CTNNA3: variants seen among roughly 807,000 people sequenced by gnomAD.
CTNNA3 encodes the protein catenin alpha-3.
In CTNNA3, 76 loss-of-function variants were observed where a neutral mutation model predicts 95.7. That is an observed-to-expected ratio of 0.79 (90% CI 0.66 to 0.96). The LOEUF is 0.96. CTNNA3 is among the 40% of genes least tolerant of loss of function. The probability of loss-of-function intolerance (pLI) is 0.00; values close to 1 mark genes in which losing one functional copy is unlikely to be tolerated. For missense variants in CTNNA3, 1,191 were observed against 1,089.8 expected (o/e 1.09, Z -1.31); for synonymous variants, 431 against 374.4 (o/e 1.15, Z -1.74).
chr10:67,481,992 T>G (rs1488755185), intron 5 of CTNNA3, among the ~76,000 whole-genome samples: 1 of 152,034 alleles, frequency 6.6e-6, no homozygotes, highest in African/African-American at 2.4e-5. Context: ...CCAGCACCAT[T>G]TATTAAATAG....
At chr10:65,924,878 A>G (rs918039282) in intron 17 of CTNNA3, among the ~76,000 whole-genome samples, 3 of 152,188 alleles carry the variant, frequency 2.0e-5, no homozygotes, top group African/African-American at 7.2e-5. Context: ...GGTGGCAGGC[A>G]AGAGAGTGTG....
chr10:66,309,393 C>T (rs1200188813), intron 12 of CTNNA3, among the ~76,000 whole-genome samples: 1 of 152,002 alleles, frequency 6.6e-6, no homozygotes, highest in Non-Finnish European at 1.5e-5. Context: ...AAAATTCTGT[C>T]ATTAAGGCTA....
intron 4 of CTNNA3, among the ~76,000 whole-genome samples, chr10:67,529,133 AATAT>A (rs1840239040): frequency 6.6e-6 from 1 of 152,136 alleles, no homozygotes; most frequent in Non-Finnish European, 1.5e-5. Context: ...ATATACCATA[AATAT>A]ATATAATTTT....
chr10:66,782,301 T>A (rs1840567615), intron 7 of CTNNA3, among the ~76,000 whole-genome samples: 1 of 152,162 alleles, frequency 6.6e-6, no homozygotes, highest in South Asian at 2.1e-4. Context: ...ATCATTGGTG[T>A]TACCAATGTC....
intron 7 of CTNNA3, among the ~76,000 whole-genome samples, chr10:67,027,687 C>T (rs1403268871): frequency 6.6e-6 from 1 of 151,832 alleles, no homozygotes; most frequent in Non-Finnish European, 1.5e-5. Flanking sequence ...CACTGGCCTC[C>T]CAAAGTGCTG....
chr10:67,512,657 C>T (rs1839673948), intron 5 of CTNNA3, among the ~76,000 whole-genome samples: 1 of 151,618 alleles, frequency 6.6e-6, no homozygotes, highest in Non-Finnish European at 1.5e-5. Context: ...TTTCCTTTGT[C>T]TACAGTGTTG....
chr10:66,472,081 T>A (rs1049591355), intron 11 of CTNNA3, among the ~76,000 whole-genome samples: 1 of 151,998 alleles, frequency 6.6e-6, no homozygotes, highest in African/African-American at 2.4e-5. Context: ...TTTTAACTAA[T>A]CTCTCAATCA....
chr10:66,105,779 C>A (rs1476649937), intron 13 of CTNNA3, among the ~76,000 whole-genome samples: 2 of 152,164 alleles, frequency 1.3e-5, no homozygotes, highest in African/African-American at 4.8e-5. Flanking sequence ...CACTTGCTGG[C>A]AGCATTTCAC....
chr10:66,914,152 A>G (rs1321551413), intron 7 of CTNNA3, among the ~76,000 whole-genome samples: 4 of 127,644 alleles, frequency 3.1e-5, no homozygotes, highest in African/African-American at 1.2e-4. Context: ...TTTTTTTGAG[A>G]CAGAGTCTCA....
chr10:66,962,464 C>T (rs987829715), intron 7 of CTNNA3, among the ~76,000 whole-genome samples: 19 of 151,414 alleles, frequency 1.3e-4, no homozygotes, highest in Middle Eastern at 3.4e-3. Flanking sequence ...GGCTGGAGTG[C>T]AGTGGTGTGA....
chr10:66,252,763 A>G (rs2090611690), intron 13 of CTNNA3, among the ~76,000 whole-genome samples: 4 of 152,248 alleles, frequency 2.6e-5, no homozygotes, highest in African/African-American at 9.6e-5. Context: ...GACTTGGTGA[A>G]TAATTTGAAA....
chr10:67,039,546 T>G (rs1217507588), intron 7 of CTNNA3, among the ~76,000 whole-genome samples: 2 of 152,168 alleles, frequency 1.3e-5, no homozygotes, highest in Non-Finnish European at 2.9e-5. Flanking sequence ...GGAGAGTTGT[T>G]GATACTTTTT....
chr10:65,942,907 T>C (rs1465604971), intron 17 of CTNNA3, among the ~76,000 whole-genome samples: 1 of 152,102 alleles, frequency 6.6e-6, no homozygotes, highest in Non-Finnish European at 1.5e-5. Context: ...TTTGCAAAGT[T>C]GTGGTAAAAC....
chr10:66,820,788 T>G (rs1842281101), intron 7 of CTNNA3, among the ~76,000 whole-genome samples: 1 of 152,106 alleles, frequency 6.6e-6, no homozygotes, highest in Non-Finnish European at 1.5e-5. Context: ...TGGTTAAAAT[T>G]TATAAAACTA....
chr10:67,433,801 TC>T (rs930577924), intron 5 of CTNNA3, among the ~76,000 whole-genome samples: 4 of 152,050 alleles, frequency 2.6e-5, no homozygotes, highest in African/African-American at 4.8e-5. Flanking sequence ...AGACACCACT[TC>T]GCACAATAGC....
chr10:66,265,264 C>T (rs948406743), intron 13 of CTNNA3, among the ~76,000 whole-genome samples: 1 of 151,966 alleles, frequency 6.6e-6, no homozygotes, highest in African/African-American at 2.4e-5. Flanking sequence ...CTAATCCCAG[C>T]TTTGACATTA....
intron 5 of CTNNA3, among the ~76,000 whole-genome samples, chr10:67,511,700 C>T (rs190753865): frequency 2.3e-4 from 35 of 152,282 alleles, no homozygotes; most frequent in Admixed American, 2.3e-3. Context: ...CAGGATGATG[C>T]TGGCCTCACA....
intron 13 of CTNNA3, among the ~76,000 whole-genome samples, chr10:66,157,446 T>TGATAGATA (rs369692152): frequency 4.6e-5 from 7 of 151,032 alleles, no homozygotes; most frequent in Non-Finnish European, 8.9e-5. Context: ...GATAGATAGA[T>TGATAGATA]GATAGATAGA....
At chr10:67,164,235 A>G (rs1203424471) in intron 7 of CTNNA3, among the ~76,000 whole-genome samples, 3 of 152,118 alleles carry the variant, frequency 2.0e-5, no homozygotes, top group Non-Finnish European at 4.4e-5. Flanking sequence ...ACAGTAGTCA[A>G]TGCTTTGTGA....
Sources: allele counts gnomAD v4.1 joint callset (sites outside exome capture counted in the v4.1 genomes callset), GRCh38; gene constraint gnomAD v4.1.1; transcripts MANE v1.5; gene names NCBI Gene and HGNC (gene_info 2026-07-23, HGNC 2026-07-21).